Variants in GLCCI1 observed in about 807,000 individuals in gnomAD.
GLCCI1 encodes glucocorticoid induced 1.
In GLCCI1, 24 loss-of-function variants were observed where a neutral mutation model predicts 52.2. The observed-to-expected ratio is 0.46, with a 90% CI of 0.33 to 0.65. The LOEUF is 0.65. Among genes scored for constraint, GLCCI1 ranks in the 30% least tolerant of loss-of-function variants. The pLI, the probability that GLCCI1 is intolerant of heterozygous loss-of-function variation, is 0.02. For missense variants in GLCCI1, 704 were observed against 701.5 expected (o/e 1.00, Z -0.04); for synonymous variants, 310 against 276.5 (o/e 1.12, Z -1.20).
intron 3 of GLCCI1, among the ~76,000 whole-genome samples, chr7:8,029,419 A>G (rs894605631): frequency 6.6e-6 from 1 of 152,192 alleles, no homozygotes; most frequent in Admixed American, 6.6e-5. Flanking sequence ...AAAACCCTCG[A>G]AAAAACTGGC....
At chr7:7,972,611 A>G (rs567644407) in intron 1 of GLCCI1, among the ~76,000 whole-genome samples, 1 of 152,312 alleles carries the variant, frequency 6.6e-6, no homozygotes, top group African/African-American at 2.4e-5. Flanking sequence ...CAATTTCTAA[A>G]TAAATTATAT....
intron 2 of GLCCI1, among the ~76,000 whole-genome samples, chr7:8,019,125 C>G (rs1449226834): frequency 6.6e-6 from 1 of 152,126 alleles, no homozygotes. Context: ...TTTGTTTTGG[C>G]TAAAATAACT....
At chr7:7,995,030 G>A (rs758054994) in intron 1 of GLCCI1, among the ~76,000 whole-genome samples, 3 of 152,262 alleles carry the variant, frequency 2.0e-5, no homozygotes, top group African/African-American at 7.2e-5. Flanking sequence ...TGTGTTTTGT[G>A]TATGTCTGTG....
chr7:8,024,552 G>C (rs1781571754), intron 3 of GLCCI1, among the ~76,000 whole-genome samples: 1 of 152,226 alleles, frequency 6.6e-6, no homozygotes, highest in African/African-American at 2.4e-5. Flanking sequence ...AGGAAGAATT[G>C]AAGAGTGCTG....
rs1413040967 is a variant in GLCCI1 at position 7,981,031 on chromosome 7, G to T, written c.457+11224G>T. ...AGCCGAAGAAGTAGAAGAAATAAAG[G>T]CAGAAAAAGAAGCTAAAACTCAGGC... On this transcript the variant is annotated intron_variant, in intron 1 of 7. Coordinates refer to ENST00000223145, the MANE Select transcript of GLCCI1 (RefSeq NM_138426.4). 4 of 497,380 alleles carry T rather than the reference G, an allele frequency of 8.0e-6. No individual in the cohort carries two copies. In the Admixed American group the frequency reaches 8.7e-5, roughly 11 times the overall value. The allele number at this position is 497,380 out of a possible 1,614,324, so 30.8% of individuals were successfully genotyped here. A position where few individuals can be genotyped will look rare whatever the true frequency, so the allele number is the denominator to read the frequency against.
At position 7,969,340 on chromosome 7, in the gene GLCCI1, G is replaced by C; in HGVS notation, c.-11G>C. On this transcript the variant is annotated 5_prime_UTR_variant, in exon 1 of 8. Transcript: ENST00000223145. This position sits in a 1 kb window ranked among gnomAD's most constrained non-coding sequence, Gnocchi z 4.9. ...TGTCGGCCGGCGGCGTCCAGGGCCC[G>C]CAGAGCCACCATGTCCACTGCCTCC... 2 of 1,458,528 alleles carry C rather than the reference G, an allele frequency of 1.4e-6. No homozygotes were observed. Among genetic ancestry groups the C allele is most frequent in the Non-Finnish European group, 1.8e-6 (2 of 1,103,412 alleles). 90.3% of individuals were successfully genotyped at this position (1,458,528 alleles called of 1,614,324 possible).
intron 1 of GLCCI1, among the ~76,000 whole-genome samples, chr7:7,998,330 C>G (rs1004964286): frequency 6.6e-6 from 1 of 152,174 alleles, no homozygotes; most frequent in Non-Finnish European, 1.5e-5. Context: ...ATTCACCTGC[C>G]TCAGCCTCCT....
chr7:8,085,119 A>G, intron 7 of GLCCI1, 102 bp downstream of exon 7: 1 of 1,352,578 alleles, frequency 7.4e-7, no homozygotes, highest in Non-Finnish European at 1.0e-6. Flanking sequence ...CCAGCTGATA[A>G]TGTGTTTCAA....
chr7:7,986,020 C>T (rs1471493403), intron 1 of GLCCI1, among the ~76,000 whole-genome samples: 3 of 152,168 alleles, frequency 2.0e-5, no homozygotes, highest in Non-Finnish European at 4.4e-5. Context: ...ACACATTCTA[C>T]AAGTTTACAA....
chr7:8,063,676 C>T (rs1384074563), intron 5 of GLCCI1, among the ~76,000 whole-genome samples: 5 of 138,492 alleles, frequency 3.6e-5, no homozygotes, highest in African/African-American at 5.4e-5. Context: ...TGGAGTATAG[C>T]GGCACAGTCA....
chr7:8,065,015 C>T (rs1482515235), intron 5 of GLCCI1, among the ~76,000 whole-genome samples: 2 of 152,140 alleles, frequency 1.3e-5, no homozygotes, highest in African/African-American at 4.8e-5. Context: ...CCGCGCCTGG[C>T]CAGTGTGGCC....
chr7:8,083,372 GGTTTTTT>G (rs1336559125), intron 6 of GLCCI1, among the ~76,000 whole-genome samples: 1 of 151,092 alleles, frequency 6.6e-6, no homozygotes, highest in Non-Finnish European at 1.5e-5. Flanking sequence ...TCAGATGTTT[GGTTTTTT>G]GTTTGTTTGT....
chr7:8,061,403 A>T (rs913830197), intron 5 of GLCCI1, among the ~76,000 whole-genome samples: 7 of 151,690 alleles, frequency 4.6e-5, no homozygotes, highest in African/African-American at 1.7e-4. Flanking sequence ...CCCAGCCTTT[A>T]GTGGTCATTT....
At chr7:7,982,015 C>T (rs73049270) in intron 1 of GLCCI1, 17,991 of 430,716 alleles carry the variant, frequency 0.042, 532 homozygotes, top group Non-Finnish European at 0.058. Context: ...TTGGTCACTA[C>T]GAAGAAGAAG....
At chr7:8,005,419 A>T (rs991587698) in intron 2 of GLCCI1, among the ~76,000 whole-genome samples, 3 of 152,160 alleles carry the variant, frequency 2.0e-5, no homozygotes, top group Non-Finnish European at 4.4e-5. Context: ...GTTAATATTT[A>T]TTAACTGTGT....
In GLCCI1 at chr7:8,071,049, C is replaced by G. The variant is rs775630961; in HGVS notation, c.1095C>G (p.Pro365=). ...GCAGTAGCTGCAGCAGTCATTCACC[C>G]TGTGTCTCCCCTTTTTGTCCCCCGG... ...ERSSSCSSHS[P]CVSPFCPPES... Residue 365 remains proline, a synonymous_variant, in exon 6 of 8, where the codon CCC becomes CCG. Transcript: ENST00000223145. 10 of 1,614,218 alleles carry G rather than the reference C, an allele frequency of 6.2e-6. No homozygotes were observed. The South Asian group carries it at 9.9e-5, about 16-fold the overall frequency.
chr7:8,046,188 A>G (rs1782121906), intron 3 of GLCCI1, among the ~76,000 whole-genome samples: 1 of 140,280 alleles, frequency 7.1e-6, no homozygotes, highest in Admixed American at 7.2e-5. Context: ...GAAAGTTAGG[A>G]TGAATCAAGT....
intron 1 of GLCCI1, among the ~76,000 whole-genome samples, chr7:7,988,469 G>A (rs1037697614): frequency 1.3e-5 from 2 of 152,014 alleles, no homozygotes; most frequent in African/African-American, 4.8e-5. Context: ...TATTCAAAGA[G>A]GTCACATTGA....
At chr7:8,016,337 T>C (rs1044286369) in intron 2 of GLCCI1, among the ~76,000 whole-genome samples, 5 of 151,868 alleles carry the variant, frequency 3.3e-5, no homozygotes, top group Non-Finnish European at 1.5e-5. Context: ...GGTGTGGTGG[T>C]GGGCGCCTGT....
Sources: allele counts gnomAD v4.1 joint callset (sites outside exome capture counted in the v4.1 genomes callset), GRCh38; gene constraint gnomAD v4.1.1; non-coding constraint Gnocchi (gnomAD v3.1); transcripts MANE v1.5; gene names NCBI Gene and HGNC (gene_info 2026-07-23, HGNC 2026-07-21).